Variants in FUBP1 observed in about 807,000 individuals in gnomAD.
FUBP1 encodes the protein far upstream element binding protein 1.
A neutral mutation model predicts 94.9 loss-of-function variants in FUBP1; 16 were observed. That is an observed-to-expected ratio of 0.17 (90% CI 0.11 to 0.26). The LOEUF (loss-of-function observed/expected upper bound fraction) is 0.26, where lower values mean the gene tolerates loss of function less well. FUBP1 is among the 10% of genes least tolerant of loss of function. The pLI, the probability that FUBP1 is intolerant of heterozygous loss-of-function variation, is 1.00. For synonymous variants in FUBP1, 279 were observed against 254.9 expected (o/e 1.09, Z -0.90); for missense variants, 583 against 808.6 (o/e 0.72, Z 3.38).
Position 77,947,652 on chromosome 1 carries a change from C to T in FUBP1, c.*1114G>A. 1.3e-6 allele frequency: 1 copy of T among 758,346 alleles called. No individual in the cohort carries two copies. The allele number at this position is 758,346 out of a possible 1,614,324, so 47.0% of individuals were successfully genotyped here. A position where few individuals can be genotyped will look rare whatever the true frequency, so the allele number is the denominator to read the frequency against. ...ATGCAAAGAGTAAAACAATGGATTT[C>T]AACAAAATATCAGAACTTCAGCATG... is the stretch of plus-strand genomic sequence containing the variant. On this transcript the variant is annotated 3_prime_UTR_variant, in exon 20 of 20. Transcript: ENST00000370768.
chr1:77,949,288 G>A lies in FUBP1; in HGVS notation c.1793C>T (p.Pro598Leu), dbSNP rs2102234524. The A allele has an allele frequency of 6.2e-7, 1 of 1,613,556 alleles. No individual in the cohort carries two copies. Among genetic ancestry groups the A allele is most frequent in the Non-Finnish European group, 8.5e-7 (1 of 1,179,602 alleles). Residue 598 changes from proline (P) to leucine (L), a missense_variant, in exon 19 of 20, where the codon CCT becomes CTT. Pro to Leu is a moderately conservative substitution (Grantham distance 98). Transcript: ENST00000370768. ...ACCTGGAGGAGCCCCAGTCGGAGCA[G>A]GAACTGCCTGACCTTTGAAAAAAAA... ...EYYKKMGQAVPAPTGAPPGGQ... is the reference protein window; with the variant it reads ...EYYKKMGQAVLAPTGAPPGGQ...
chr1:77,957,479 CCTCA>C (rs1385296986), intron 16 of FUBP1, among the ~76,000 whole-genome samples: 1 of 152,178 alleles, frequency 6.6e-6, no homozygotes, highest in Non-Finnish European at 1.5e-5. Flanking sequence ...CTTGACTGAC[CCTCA>C]CTCATCTCCC....
At position 77,969,994 on chromosome 1, in the gene FUBP1, C is replaced by T. The variant is rs1474500859; in HGVS notation, c.142G>A (p.Asp48Asn). The T allele has an allele frequency of 1.3e-6, 2 of 1,576,890 alleles. No individual in the cohort carries two copies. The highest frequency in any genetic ancestry group is 1.7e-6 in the Non-Finnish European group (2 of 1,153,876). ...TTTGAATTCAGTGATGTCCCTGCAT[C>T]ACCTCCAATTTTTGCTGCAATCTAA... ...ARQIAAKIGG[D>N]AGTSLNSNDY... The change falls in exon 2 of 20, where the codon GAT becomes AAT. Residue 48 changes from aspartate to asparagine, a missense_variant. Coordinates refer to ENST00000370768, the MANE Select transcript of FUBP1 (RefSeq NM_003902.5).
At chr1:77,955,035 C>G (rs1654190378) in intron 18 of FUBP1, among the ~76,000 whole-genome samples, 1 of 151,792 alleles carries the variant, frequency 6.6e-6, no homozygotes, top group Non-Finnish European at 1.5e-5. Flanking sequence ...ATTGTATGTA[C>G]CAGTAAGGAC....
chr1:77,976,654 C>T (rs547252744), intron 1 of FUBP1, among the ~76,000 whole-genome samples: 26 of 152,156 alleles, frequency 1.7e-4, no homozygotes, highest in African/African-American at 6.0e-4. Flanking sequence ...CCACCAAGCC[C>T]GGCTACTTTT....
Position 77,948,654 on chromosome 1 carries a change from T to C in FUBP1, c.*112A>G. The stretch of plus-strand genomic sequence containing the variant: ...AAAAAAAAAAAAAAAGGAAACACTA[T>C]TTTAAACCAAAAACAAAATTAAGAT... On this transcript the variant is annotated 3_prime_UTR_variant, in exon 20 of 20. Coordinates refer to ENST00000370768, the MANE Select transcript of FUBP1 (RefSeq NM_003902.5). 4 of 1,462,784 alleles carry C rather than the reference T, an allele frequency of 2.7e-6. No homozygotes were observed. The highest frequency in any genetic ancestry group is 3.6e-6 in the Non-Finnish European group (4 of 1,100,350). 90.6% of individuals were successfully genotyped at this position (1,462,784 alleles called of 1,614,324 possible).
intron 18 of FUBP1, among the ~76,000 whole-genome samples, chr1:77,954,833 T>A (rs1169609798): frequency 3.3e-5 from 5 of 152,192 alleles, no homozygotes; most frequent in Admixed American, 6.5e-5. Context: ...ACTCAGACCC[T>A]CTTGGAAGCC....
chr1:77,947,443 A>T lies in FUBP1; in HGVS notation c.*1323T>A, dbSNP rs1454994858. ...TGCAGTTCATCAATTTGTCATTCTG[A>T]TGTACTTACAGTGCAATGCTCCTTG... On this transcript the variant is annotated 3_prime_UTR_variant, in exon 20 of 20. Coordinates refer to ENST00000370768, the MANE Select transcript of FUBP1 (RefSeq NM_003902.5). 1 of 749,718 alleles carries T rather than the reference A, an allele frequency of 1.3e-6. No homozygotes were observed. Among genetic ancestry groups the T allele is most frequent in the Non-Finnish European group, 2.1e-6 (1 of 477,466 alleles). The allele number at this position is 749,718 out of a possible 1,614,324, so 46.4% of individuals were successfully genotyped here. A position where few individuals can be genotyped will look rare whatever the true frequency, so the allele number is the denominator to read the frequency against.
At chr1:77,958,930 T>C (rs1654961184) in intron 16 of FUBP1, among the ~76,000 whole-genome samples, 1 of 152,226 alleles carries the variant, frequency 6.6e-6, no homozygotes, top group South Asian at 2.1e-4. Context: ...TCCTGTACCC[T>C]GTGAGCCCCT....
At chr1:77,978,340 A>C (rs913459078) in intron 1 of FUBP1, among the ~76,000 whole-genome samples, 1 of 152,208 alleles carries the variant, frequency 6.6e-6, no homozygotes, top group Non-Finnish European at 1.5e-5. Flanking sequence ...GGTGGAACAG[A>C]CTGACACGTA....
rs774574088 is a variant in FUBP1 at position 77,962,948 on chromosome 1, T to C, written c.1184-18A>G. ...TTCACCTCCTAAAATCAAAAGACAGTAATTTCTCTAAAGGTTTCAAGGGTG... is the reference window on the plus strand; with the variant it reads ...TTCACCTCCTAAAATCAAAAGACAGCAATTTCTCTAAAGGTTTCAAGGGTG... On this transcript the variant is annotated intron_variant, in intron 13 of 19. Transcript: ENST00000370768. 1 of 1,596,190 alleles carries C rather than the reference T, an allele frequency of 6.3e-7. No homozygotes were observed. The highest frequency in any genetic ancestry group is 1.1e-5 in the South Asian group (1 of 90,116).
rs1415298892 is a variant in FUBP1, at chr1:77,946,353, TAAACAGTTGCTTTAACA to T, written c.*2396_*2412del. 1.0e-5 allele frequency: 2 copies of T among 192,914 alleles called. No individual in the cohort carries two copies. The highest frequency in any genetic ancestry group is 2.3e-5 in the African/African-American group (1 of 42,954). The allele number at this position is 192,914 out of a possible 1,614,324, so 12.0% of individuals were successfully genotyped here. A position where few individuals can be genotyped will look rare whatever the true frequency, so the allele number is the denominator to read the frequency against. ...AAATAAAAAACATTACCCAGAAATG[TAAACAGTTGCTTTAACA>T]ACTTACAGACTTTCCACTAAGATGG... On this transcript the variant is annotated 3_prime_UTR_variant, in exon 20 of 20. Coordinates refer to ENST00000370768, the MANE Select transcript of FUBP1 (RefSeq NM_003902.5).
intron 4 of FUBP1, 76 bp downstream of exon 4, chr1:77,967,551 C>T (rs1656737418): frequency 1.9e-6 from 2 of 1,032,730 alleles, no homozygotes; most frequent in African/African-American, 1.6e-5. Context: ...ATTCAATATA[C>T]ACCAATGTGG....
chr1:77,952,482 G>C (rs1653665450), intron 18 of FUBP1, among the ~76,000 whole-genome samples: 1 of 151,778 alleles, frequency 6.6e-6, no homozygotes, highest in Non-Finnish European at 1.5e-5. Context: ...GTGAAAGCCT[G>C]CCTAGTTTGG....
chr1:77,973,687 A>C (rs1455260390), intron 1 of FUBP1, among the ~76,000 whole-genome samples: 1 of 152,180 alleles, frequency 6.6e-6, no homozygotes, highest in Non-Finnish European at 1.5e-5. Flanking sequence ...AGAGGTGAGA[A>C]ATCCAAGAAT....
chr1:77,963,739 C>T lies in FUBP1; in HGVS notation c.1042-24G>A, dbSNP rs569445472. ...GCCTATAGAGAGGGAAAGACAAGAA[C>T]GAAGAGTCAGCACAGAAATACTTTT... On this transcript the variant is annotated intron_variant, in intron 12 of 19. Coordinates refer to ENST00000370768, the MANE Select transcript of FUBP1 (RefSeq NM_003902.5). 407 of 1,575,920 alleles carry T rather than the reference C, an allele frequency of 2.6e-4. 1 individual carries two copies. In the Middle Eastern group the frequency reaches 0.013, roughly 49 times the overall value.
At chr1:77,973,495 C>G (rs1318368115) in intron 1 of FUBP1, among the ~76,000 whole-genome samples, 2 of 152,260 alleles carry the variant, frequency 1.3e-5, no homozygotes, top group Non-Finnish European at 2.9e-5. Context: ...ATCCACCCGC[C>G]TCAGCCTCCC....
At chr1:77,962,194 T>C (rs1305453140) in intron 14 of FUBP1, among the ~76,000 whole-genome samples, 1 of 152,186 alleles carries the variant, frequency 6.6e-6, no homozygotes, top group Non-Finnish European at 1.5e-5. Context: ...AATTTGTCTG[T>C]GCACCAGAAT....
chr1:77,967,033 A>G lies in FUBP1; in HGVS notation c.343+16T>C, dbSNP rs201828387. On this transcript the variant is annotated intron_variant, in intron 5 of 19. Coordinates refer to ENST00000370768, the MANE Select transcript of FUBP1 (RefSeq NM_003902.5). The stretch of plus-strand genomic sequence containing the variant: ...TTTGATCATGTTTTCAAAACTTTAA[A>G]AATCAAGTTACTTACTGAATCCAAC... 5.0e-3 allele frequency: 7,921 copies of G among 1,570,888 alleles called. 28 individuals are homozygous for G. Among genetic ancestry groups the G allele is most frequent in the Non-Finnish European group, 6.3e-3 (7,172 of 1,143,504 alleles).
Sources: gnomAD v4.1 joint callset for allele counts (sites outside exome capture counted in the v4.1 genomes callset) on GRCh38, gnomAD v4.1.1 for gene constraint, MANE v1.5 for transcripts, NCBI Gene and HGNC (gene_info 2026-07-23, HGNC 2026-07-21) for gene names.